Variants in RGS5 observed in about 807,000 individuals in gnomAD.
RGS5 encodes the protein regulator of G protein signaling 5.
RGS5 carries 20 observed loss-of-function variants against 18.9 expected under a neutral mutation model. The ratio of observed to expected loss-of-function variants is 1.06; its 90% CI spans 0.74 to 1.54. The LOEUF (loss-of-function observed/expected upper bound fraction) is 1.54, where lower values mean the gene tolerates loss of function less well. Among genes scored for constraint, RGS5 ranks in the 40% most tolerant of loss-of-function variants. The pLI is 0.00. For missense variants in RGS5, 201 were observed against 211.8 expected (o/e 0.95, Z 0.32); for synonymous variants, 57 against 76.2 (o/e 0.75, Z 1.31).
chr1:163,297,583 A>G (rs1242935166), intron 2 of RGS5, among the ~76,000 whole-genome samples: 1 of 152,174 alleles, frequency 6.6e-6, no homozygotes, highest in Non-Finnish European at 1.5e-5. Flanking sequence ...GTTTCAAAAA[A>G]CAATGGCATT....
chr1:163,296,492 A>T (rs2101729083), intron 2 of RGS5, among the ~76,000 whole-genome samples: 1 of 152,326 alleles, frequency 6.6e-6, no homozygotes, highest in South Asian at 2.1e-4. Context: ...TATAAACTGC[A>T]GATAAATCAT....
chr1:163,157,236 A>C (rs879701372), intron 3 of RGS5, among the ~76,000 whole-genome samples: 1 of 152,130 alleles, frequency 6.6e-6, no homozygotes, highest in Non-Finnish European at 1.5e-5. Flanking sequence ...GTTGTGGGGA[A>C]CTATTAAATG....
chr1:163,197,626 C>G lies in RGS5; in HGVS notation c.44+5166G>C, dbSNP rs115239290. ...AGAGAAATCACTGATATTGTTTCAT[C>G]AGTAGGAATCAAAATAAATGTTTTT... On this transcript the variant is annotated intron_variant, in intron 1 of 4. Transcript: ENST00000313961. Among the ~76,000 whole-genome samples the G allele has an allele frequency of 7.0e-3, 1,069 of 152,264 alleles. 13 individuals are homozygous for G. The highest frequency in any genetic ancestry group is 0.018 in the African/African-American group (767 of 41,558).
upstream of RGS5, among the ~76,000 whole-genome samples, chr1:163,203,701 A>T (rs73026877): frequency 6.6e-6 from 1 of 152,138 alleles, no homozygotes; most frequent in African/African-American, 2.4e-5. Flanking sequence ...TAATTCTGTC[A>T]GTGGTCTTCT....
chr1:163,200,246 T>C (rs1659724202), intron 1 of RGS5, among the ~76,000 whole-genome samples: 1 of 152,196 alleles, frequency 6.6e-6, no homozygotes, highest in Non-Finnish European at 1.5e-5. Context: ...AATAATGATA[T>C]GCTATTCAGA....
chr1:163,264,997 G>A (rs1443584204), intron 2 of RGS5, among the ~76,000 whole-genome samples: 2 of 152,042 alleles, frequency 1.3e-5, no homozygotes, highest in African/African-American at 4.8e-5. Context: ...TTGGAATGCT[G>A]AGCATTGCAA....
chr1:163,170,675 T>A lies in RGS5; in HGVS notation c.45-2307A>T, dbSNP rs527403665. ...AGTAAATATGGTTTTGAAAACTATG[T>A]TTTAGGAACAGTCATCTCTACAGTG... On this transcript the variant is annotated intron_variant, in intron 1 of 4. Transcript: ENST00000313961. 2.6e-5 allele frequency among the ~76,000 whole-genome samples: 4 copies of A among 152,254 alleles called. No individual in the cohort carries two copies. In the South Asian group the frequency reaches 8.3e-4, roughly 32 times the overall value.
At chr1:163,312,070 G>A (rs550846059) in intron 1 of RGS5, among the ~76,000 whole-genome samples, 3 of 152,320 alleles carry the variant, frequency 2.0e-5, no homozygotes, top group Non-Finnish European at 4.4e-5. Context: ...GTTGAGGGAG[G>A]GACCTGGTGG....
At chr1:163,200,471 G>C (rs186469491) in intron 1 of RGS5, among the ~76,000 whole-genome samples, 26 of 152,054 alleles carry the variant, frequency 1.7e-4, no homozygotes, top group African/African-American at 6.0e-4. Context: ...GAGCCTGTGT[G>C]GGGGAGGAAG....
Position 163,152,617 on chromosome 1 carries a change from G to T in RGS5, c.317C>A (p.Pro106His). ...ACEDYKKIKS[P>H]AKMAEKAKQI... ...CTTTGCCTTCTCAGCCATCTTGGCA[G>T]GGGACTTGATCTTCTTGTAATCCTC... is the stretch of plus-strand genomic sequence containing the variant. Residue 106 changes from proline (P) to histidine (H), a missense_variant, in exon 4 of 5, where the codon CCT (proline) becomes CAT (histidine). Transcript: ENST00000313961. The T allele has an allele frequency of 6.2e-7, 1 of 1,612,798 alleles. No individual in the cohort carries two copies. The highest frequency in any genetic ancestry group is 8.5e-7 in the Non-Finnish European group (1 of 1,179,296).
intron 2 of RGS5, chr1:163,248,407 C>G (rs996421666): frequency 2.6e-5 from 4 of 152,086 alleles, no homozygotes. Flanking sequence ...ATAAAACTCA[C>G]CAGGCTCTGT....
At chr1:163,316,244 GGA>G (rs765438190) in intron 1 of RGS5, among the ~76,000 whole-genome samples, 7 of 152,176 alleles carry the variant, frequency 4.6e-5, no homozygotes, top group Non-Finnish European at 1.0e-4. Context: ...TTGGCTGATA[GGA>G]GAGACGTATC....
rs541914874 is a variant in RGS5, at chr1:163,314,987, C to T, written c.-378+6635G>A. Among the ~76,000 whole-genome samples the T allele has an allele frequency of 5.9e-5, 9 of 152,220 alleles. No individual in the cohort carries two copies. In the East Asian group the frequency reaches 9.7e-4, roughly 16 times the overall value. The stretch of plus-strand genomic sequence containing the variant: ...TGGCAGCTTGTTACAGCAGCCTGAA[C>T]GAACTAAGACACCCTTCTAAAATGT... On this transcript the variant is annotated intron_variant, in intron 1 of 5. Transcript: ENST00000618415.
chr1:163,256,900 C>G (rs1648288283), intron 2 of RGS5, among the ~76,000 whole-genome samples: 1 of 152,186 alleles, frequency 6.6e-6, no homozygotes, highest in African/African-American at 2.4e-5. Flanking sequence ...TTAAGTGAAT[C>G]AACAAAAGTT....
chr1:163,273,377 G>C (rs866098594), intron 2 of RGS5, among the ~76,000 whole-genome samples: 3 of 151,910 alleles, frequency 2.0e-5, no homozygotes, highest in Admixed American at 6.6e-5. Context: ...TCAATTCTTA[G>C]TTTTTTTGCT....
intron 2 of RGS5, among the ~76,000 whole-genome samples, chr1:163,302,749 A>T (rs1649584949): frequency 6.6e-6 from 1 of 152,056 alleles, no homozygotes; most frequent in Admixed American, 6.5e-5. Flanking sequence ...GCTTTTACTC[A>T]AGCCATTCAC....
chr1:163,215,172 T>G (rs1017304705), intron 1 of RGS5, among the ~76,000 whole-genome samples: 1 of 152,218 alleles, frequency 6.6e-6, no homozygotes, highest in Non-Finnish European at 1.5e-5. Flanking sequence ...TGGTTTATAT[T>G]TATCTATGTC....
Position 163,152,717 on chromosome 1 carries a change from C to A in RGS5, c.218-1G>T. 1.9e-6 allele frequency: 3 copies of A among 1,568,834 alleles called. No individual in the cohort carries two copies. Among genetic ancestry groups the A allele is most frequent in the South Asian group, 2.5e-5 (2 of 81,392 alleles). On this transcript the variant is annotated splice_acceptor_variant, in intron 3 of 4. Coordinates refer to ENST00000313961, the MANE Select transcript of RGS5 (RefSeq NM_003617.4). LOFTEE classifies it high-confidence loss of function. ...AAACTTTTGAAACTGGCAAGTCCAT[C>A]TGGAAAGAAAAAAACAGTCAGCTGG...
rs554398869 is a variant in RGS5, at chr1:163,153,399, A to T, written c.218-683T>A. Reference sequence around the variant, plus strand: ...AGAGTCATAGGAGAGTCCTGACTTCATTTTAGGCTAAGGGAAGGCAAGGAA... The same window carrying T: ...AGAGTCATAGGAGAGTCCTGACTTCTTTTTAGGCTAAGGGAAGGCAAGGAA... On this transcript the variant is annotated intron_variant, in intron 3 of 4. Transcript: ENST00000313961. 5.8e-4 allele frequency among the ~76,000 whole-genome samples: 89 copies of T among 152,278 alleles called. 1 individual carries two copies. The highest frequency in any genetic ancestry group is 1.0e-3 in the Non-Finnish European group (68 of 68,016).
Sources: allele counts gnomAD v4.1 joint callset (sites outside exome capture counted in the v4.1 genomes callset), GRCh38; gene constraint gnomAD v4.1.1; transcripts MANE v1.5; gene names NCBI Gene and HGNC (gene_info 2026-07-23, HGNC 2026-07-21).